ISY1: variants seen among roughly 807,000 people sequenced by gnomAD.
ISY1 encodes pre-mRNA-splicing factor ISY1 homolog.
Under a neutral mutation model 54.4 loss-of-function variants are expected in ISY1, and 12 were observed. The ratio of observed to expected loss-of-function variants is 0.22; its 90% CI spans 0.14 to 0.36. ISY1 has a LOEUF of 0.36. Ranked by LOEUF, ISY1 falls within the 10% of genes least tolerant of loss-of-function variation. The pLI, the probability that ISY1 is intolerant of heterozygous loss-of-function variation, is 1.00. For synonymous variants in ISY1, 96 were observed against 117.9 expected (o/e 0.81, Z 1.20); for missense variants, 282 against 342.2 (o/e 0.82, Z 1.39).
Position 129,130,654 on chromosome 3 carries a change from GA to G in ISY1, c.664-19del. On this transcript the variant is annotated intron_variant, in intron 9 of 10. Transcript: ENST00000393295. ...TCGTCCGACTACAAACAGAACAAACGAAAGTCCATCAGTAGGCGCCCAGCTA... is the reference window on the plus strand; with the variant it reads ...TCGTCCGACTACAAACAGAACAAACGAAGTCCATCAGTAGGCGCCCAGCTA... 6.2e-7 allele frequency: 1 copy of G among 1,613,490 alleles called. No homozygotes were observed. The highest frequency in any genetic ancestry group is 8.5e-7 in the Non-Finnish European group (1 of 1,179,724).
At position 129,127,891 on chromosome 3, in the gene ISY1, T is replaced by C. The variant is rs1936132220; in HGVS notation, c.*2190A>G. 1.3e-5 allele frequency: 2 copies of C among 152,238 alleles called. No homozygotes were observed. Among genetic ancestry groups the C allele is most frequent in the African/African-American group, 4.8e-5 (2 of 41,448 alleles). The allele number at this position is 152,238 out of a possible 1,614,324, so 9.4% of individuals were successfully genotyped here. On this transcript the variant is annotated 3_prime_UTR_variant, in exon 11 of 11. Transcript: ENST00000393295. ...GGAGAAGGAAGGCCTGATGTCTGGA[T>C]TCCCCATTCTCTTCTGAATGCCAGG...
At chr3:129,155,906 A>G (rs964800892) in intron 5 of ISY1, among the ~76,000 whole-genome samples, 1 of 151,900 alleles carries the variant, frequency 6.6e-6, no homozygotes, top group African/African-American at 2.4e-5. Flanking sequence ...TTTTCAGTAG[A>G]GGTGGGGTTT....
At chr3:129,135,334 A>ACT (rs767580914) in intron 7 of ISY1, among the ~76,000 whole-genome samples, 16 of 151,818 alleles carry the variant, frequency 1.1e-4, no homozygotes, top group Non-Finnish European at 1.9e-4. Flanking sequence ...ACAAAACAAG[A>ACT]CTCCATCACA....
chr3:129,154,113 G>A lies in ISY1; in HGVS notation c.187+2520C>T, dbSNP rs562703217. ...AAAGATCAGCCAGGCGAGGGGGTGG[G>A]CGCCTGTAGTCCCAGCTACGCGGGA... On this transcript the variant is annotated intron_variant, in intron 5 of 10. Coordinates refer to ENST00000393295, the MANE Select transcript of ISY1 (RefSeq NM_020701.4). 1.1e-4 allele frequency among the ~76,000 whole-genome samples: 17 copies of A among 152,068 alleles called. No individual in the cohort carries two copies. In the East Asian group the frequency reaches 2.9e-3, roughly 26 times the overall value.
At chr3:129,135,360 C>G (rs544998067) in intron 7 of ISY1, among the ~76,000 whole-genome samples, 53 of 151,188 alleles carry the variant, frequency 3.5e-4, no homozygotes, top group Non-Finnish European at 5.9e-4. Flanking sequence ...AAAGAAAATA[C>G]CATGGATAGA....
chr3:129,160,939 T>A, intron 1 of ISY1, 34 bp downstream of exon 1: 2 of 122,996 alleles, frequency 1.6e-5, no homozygotes, highest in Non-Finnish European at 1.6e-5. Context: ...CGCCCGCCCA[T>A]CCACTCGCTC....
chr3:129,149,973 CAAAAAAAAA>C (rs200338338), intron 5 of ISY1, among the ~76,000 whole-genome samples: 5 of 90,788 alleles, frequency 5.5e-5, no homozygotes, highest in Non-Finnish European at 5.2e-5. Context: ...GGCTCTATCT[CAAAAAAAAA>C]AAAAAAAAAG....
At chr3:129,149,871 G>A (rs1050005676) in intron 5 of ISY1, among the ~76,000 whole-genome samples, 160 of 149,330 alleles carry the variant, frequency 1.1e-3, no homozygotes, top group African/African-American at 3.9e-3. Context: ...CTACATGAGA[G>A]TTTGAGGCAA....
At chr3:129,152,344 A>G (rs569831012) in intron 5 of ISY1, among the ~76,000 whole-genome samples, 2 of 152,070 alleles carry the variant, frequency 1.3e-5, no homozygotes, top group South Asian at 4.1e-4. Flanking sequence ...TGAATCTACT[A>G]TGTTTTTCCA....
intron 5 of ISY1, among the ~76,000 whole-genome samples, chr3:129,149,486 C>T (rs1284144660): frequency 7.4e-6 from 1 of 134,784 alleles, no homozygotes; most frequent in Non-Finnish European, 1.6e-5. Context: ...CAGCAGCTCA[C>T]GCCTGTAGTC....
chr3:129,137,178 A>G (rs919178883), intron 7 of ISY1: 24 of 837,878 alleles, frequency 2.9e-5, no homozygotes, highest in South Asian at 1.1e-4. Flanking sequence ...GATTACAGGC[A>G]TGAGCCACCG....
chr3:129,140,534 AGTT>A (rs1033323212), intron 6 of ISY1, 49 bp from the exon 7 acceptor site: 1 of 1,529,058 alleles, frequency 6.5e-7, no homozygotes, highest in African/African-American at 1.4e-5. Flanking sequence ...TTAGTTAGTT[AGTT>A]ATTATTTATT....
chr3:129,143,864 C>T (rs888932948), intron 6 of ISY1, among the ~76,000 whole-genome samples: 4 of 152,106 alleles, frequency 2.6e-5, no homozygotes, highest in Non-Finnish European at 4.4e-5. Flanking sequence ...CAAGTGGCTG[C>T]ACTTATGTAA....
intron 5 of ISY1, 128 bp downstream of exon 5, chr3:129,156,505 G>A: frequency 2.3e-6 from 2 of 884,018 alleles, no homozygotes; most frequent in Non-Finnish European, 3.5e-6. Flanking sequence ...CGTATTGATT[G>A]GCTCTTCTAT....
At chr3:129,145,224 ATTTTT>A (rs35391482) in intron 6 of ISY1, among the ~76,000 whole-genome samples, 1 of 137,334 alleles carries the variant, frequency 7.3e-6, no homozygotes. Context: ...GACCATAGTC[ATTTTT>A]TTTTTTTTTT....
intron 7 of ISY1, among the ~76,000 whole-genome samples, chr3:129,135,269 A>G (rs374893167): frequency 1.3e-5 from 2 of 152,132 alleles, no homozygotes; most frequent in South Asian, 2.1e-4. Context: ...GCTTGAACCT[A>G]GGAGGCAGAG....
chr3:129,141,657 G>C (rs1306229326), intron 6 of ISY1, among the ~76,000 whole-genome samples: 1 of 151,408 alleles, frequency 6.6e-6, no homozygotes, highest in African/African-American at 2.4e-5. Context: ...AGGAGGCTAA[G>C]GCAGGAGAAC....
chr3:129,149,610 A>AATATATATATATAT (rs1199049568), intron 5 of ISY1, among the ~76,000 whole-genome samples: 1 of 24,628 alleles, frequency 4.1e-5, no homozygotes, highest in African/African-American at 1.2e-4. Flanking sequence ...AAAAAAAAAA[A>AATATATATATATAT]ATATATATAT....
At chr3:129,160,918 G>GCCCCGGGGGGGGGGGGGGGCCCCCCC in intron 1 of ISY1, 55 bp downstream of exon 1, 1 of 666,126 alleles carries the variant, frequency 1.5e-6, no homozygotes, top group Non-Finnish European at 2.7e-6. Context: ...TGGACTGGGC[G>GCCCCGGGGGGGGGGGGGGGCCCCCCC]CCCCCCCGCC....
Sources: allele counts gnomAD v4.1 joint callset (sites outside exome capture counted in the v4.1 genomes callset), GRCh38; gene constraint gnomAD v4.1.1; transcripts MANE v1.5; gene names NCBI Gene and HGNC (gene_info 2026-07-23, HGNC 2026-07-21).